ITGAV: variants seen among roughly 807,000 people sequenced by gnomAD.
The protein encoded by ITGAV is integrin alpha-V.
In ITGAV, 76 loss-of-function variants were observed where a neutral mutation model predicts 143.8. That is an observed-to-expected ratio of 0.53 (90% CI 0.44 to 0.64). ITGAV has a LOEUF of 0.64. Among genes scored for constraint, ITGAV ranks in the 30% least tolerant of loss-of-function variants. ITGAV has a pLI of 0.00. For synonymous variants in ITGAV, 453 were observed against 446.7 expected (o/e 1.01, Z -0.18); for missense variants, 1,193 against 1,274.7 (o/e 0.94, Z 0.98).
chr2:186,638,220 C>A lies in ITGAV; in HGVS notation c.803-57C>A. ...GCTTGCTGACATAGTCACTTCTGGT[C>A]TGCAACTTCCAGTGTTGTCCTAAAA... On this transcript the variant is annotated intron_variant, in intron 8 of 29. Transcript: ENST00000261023. 3 of 1,495,812 alleles carry A rather than the reference C, an allele frequency of 2.0e-6. No homozygotes were observed. The South Asian group carries it at 3.4e-5, about 17-fold the overall frequency. 92.7% of individuals were successfully genotyped at this position (1,495,812 alleles called of 1,614,324 possible).
chr2:186,673,500 A>G (rs192819106), intron 26 of ITGAV, among the ~76,000 whole-genome samples: 1 of 152,188 alleles, frequency 6.6e-6, no homozygotes, highest in Non-Finnish European at 1.5e-5. Context: ...GAGTATTGCT[A>G]TCTTAACATT....
chr2:186,616,074 T>C (rs1411691122), intron 2 of ITGAV, among the ~76,000 whole-genome samples: 2 of 152,120 alleles, frequency 1.3e-5, no homozygotes, highest in Non-Finnish European at 2.9e-5. Context: ...TGCCACTGAA[T>C]TTGCTTGGCA....
intron 26 of ITGAV, among the ~76,000 whole-genome samples, chr2:186,671,576 C>T (rs1006587633): frequency 1.6e-4 from 24 of 152,168 alleles, no homozygotes; most frequent in African/African-American, 5.8e-4. Context: ...CACTTTTGAT[C>T]TTGCACTTTC....
At chr2:186,663,219 T>C (rs988787173) in intron 18 of ITGAV, among the ~76,000 whole-genome samples, 24 of 152,196 alleles carry the variant, frequency 1.6e-4, no homozygotes, top group African/African-American at 5.8e-4. Flanking sequence ...CAAATGACCA[T>C]GCAATGCTGG....
At chr2:186,613,072 T>C (rs891210862) in intron 2 of ITGAV, among the ~76,000 whole-genome samples, 2 of 151,900 alleles carry the variant, frequency 1.3e-5, no homozygotes, top group Admixed American at 1.3e-4. Context: ...ACTCACAAGC[T>C]CTTTTAAAGT....
In ITGAV at chr2:186,653,420, C is replaced by T. The variant is rs115286202; in HGVS notation, c.1506-1230C>T. Among the ~76,000 whole-genome samples the T allele has an allele frequency of 7.7e-3, 1,175 of 152,140 alleles. 15 individuals carry two copies. The highest frequency in any genetic ancestry group is 0.027 in the African/African-American group (1,119 of 41,500). On this transcript the variant is annotated intron_variant, in intron 15 of 29. Transcript: ENST00000261023. ...TATTCATGTTCCTTACTTACACAGACGAGTTGCAGAGAACTTATGATCAAG... is the reference window on the plus strand; with the variant it reads ...TATTCATGTTCCTTACTTACACAGATGAGTTGCAGAGAACTTATGATCAAG...
At chr2:186,599,005 A>G (rs1194937569) in intron 1 of ITGAV, among the ~76,000 whole-genome samples, 6 of 152,196 alleles carry the variant, frequency 3.9e-5, no homozygotes, top group Non-Finnish European at 8.8e-5. Flanking sequence ...TTTGGCAGCT[A>G]CTACCCAGAA....
At chr2:186,614,031 A>G (rs1248200915) in intron 2 of ITGAV, among the ~76,000 whole-genome samples, 4 of 152,158 alleles carry the variant, frequency 2.6e-5, no homozygotes, top group African/African-American at 9.6e-5. Flanking sequence ...TTTATGAACT[A>G]AAACTCCTTT....
intron 2 of ITGAV, among the ~76,000 whole-genome samples, chr2:186,612,359 T>A (rs988137467): frequency 1.4e-5 from 2 of 146,564 alleles, no homozygotes; most frequent in African/African-American, 5.1e-5. Flanking sequence ...AAGGCTTACC[T>A]ACCTGTTTAA....
chr2:186,661,619 A>C (rs1322851908), intron 18 of ITGAV, among the ~76,000 whole-genome samples: 2 of 141,696 alleles, frequency 1.4e-5, no homozygotes, highest in Non-Finnish European at 3.0e-5. Context: ...TTTTTTTGAG[A>C]CGGAATCTTG....
At chr2:186,654,473 A>C (rs1308551488) in intron 15 of ITGAV, among the ~76,000 whole-genome samples, 177 bp from the exon 16 acceptor site, 1 of 152,194 alleles carries the variant, frequency 6.6e-6, no homozygotes, top group Non-Finnish European at 1.5e-5. Flanking sequence ...TAAATTACTG[A>C]AGGATGAGTT....
At chr2:186,598,974 T>C (rs977662031) in intron 1 of ITGAV, among the ~76,000 whole-genome samples, 3 of 152,170 alleles carry the variant, frequency 2.0e-5, no homozygotes, top group South Asian at 4.1e-4. Flanking sequence ...TACAGCCAGC[T>C]TTTGTCTACT....
At chr2:186,602,810 G>C (rs542134266) in intron 2 of ITGAV, among the ~76,000 whole-genome samples, 22 of 151,988 alleles carry the variant, frequency 1.4e-4, no homozygotes, top group African/African-American at 4.8e-4. Flanking sequence ...CTGGGAGGTG[G>C]AGGTTGCAGT....
chr2:186,660,860 C>G (rs1312946670), intron 18 of ITGAV, among the ~76,000 whole-genome samples: 1 of 152,138 alleles, frequency 6.6e-6, no homozygotes, highest in Non-Finnish European at 1.5e-5. Context: ...GGCTTGTAGA[C>G]AGTCACCAGT....
chr2:186,639,194 T>G (rs61765176), intron 10 of ITGAV, among the ~76,000 whole-genome samples: 54 of 152,318 alleles, frequency 3.5e-4, no homozygotes, highest in African/African-American at 1.2e-3. Flanking sequence ...TTTATAATAT[T>G]CTCTGTTGTA....
rs1313762244 is a variant in ITGAV at position 186,668,207 on chromosome 2, TATATATATA to T, written c.2433+432_2433+440del. Among the ~76,000 whole-genome samples, 42 of 21,594 alleles carry T rather than the reference TATATATATA, an allele frequency of 1.9e-3. 2 individuals are homozygous for T. The highest frequency in any genetic ancestry group is 3.1e-3 in the Non-Finnish European group (30 of 9,572). 14.2% of individuals were successfully genotyped at this position (21,594 alleles called of 152,430 possible). On this transcript the variant is annotated intron_variant, in intron 24 of 29. Coordinates refer to ENST00000261023, the MANE Select transcript of ITGAV (RefSeq NM_002210.5). ...ATACATATATATATATATATATATA[TATATATATA>T]TTTTTTTTTTTTTTTTTTTTTTTTT...
chr2:186,657,964 C>A (rs867522738), intron 17 of ITGAV, among the ~76,000 whole-genome samples: 68 of 151,550 alleles, frequency 4.5e-4, no homozygotes, highest in Middle Eastern at 6.8e-3. Context: ...AAAAAAAAAA[C>A]CAAAATATTT....
intron 2 of ITGAV, among the ~76,000 whole-genome samples, chr2:186,621,723 C>T (rs113879190): frequency 1.4e-4 from 21 of 152,202 alleles, no homozygotes; most frequent in African/African-American, 3.9e-4. Context: ...TAGTGATGTT[C>T]GATCTATCCC....
At chr2:186,659,243 A>T (rs1400752551) in intron 18 of ITGAV, 68 bp downstream of exon 18, 5 of 1,060,694 alleles carry the variant, frequency 4.7e-6, no homozygotes, top group Non-Finnish European at 6.4e-6. Context: ...ATTTTTAAAT[A>T]TTAGAGGAGA....
Sources: gnomAD v4.1 joint callset for allele counts (sites outside exome capture counted in the v4.1 genomes callset) on GRCh38, gnomAD v4.1.1 for gene constraint, MANE v1.5 for transcripts, NCBI Gene and HGNC (gene_info 2026-07-23, HGNC 2026-07-21) for gene names.